SH3BP2: variants seen among roughly 807,000 people sequenced by gnomAD.
SH3BP2 encodes SH3 domain binding protein 2, also known as SH3 domain-binding protein 2.
Under a neutral mutation model 56.2 loss-of-function variants are expected in SH3BP2, and 38 were observed. That is an observed-to-expected ratio of 0.68 (90% confidence interval 0.52 to 0.89). SH3BP2 has a LOEUF of 0.89. Among genes scored for constraint, SH3BP2 ranks in the 40% least tolerant of loss-of-function variants. SH3BP2 has a pLI of 0.00. For missense variants in SH3BP2, 748 were observed against 762.6 expected, an observed-to-expected ratio of 0.98 and a Z score of 0.23; for synonymous variants, 346 against 316.7, an observed-to-expected ratio of 1.09 and a Z score of -0.98.
At position 2,830,055 on chromosome 4, in the gene SH3BP2, C is replaced by T. The variant is rs1470319035; in HGVS notation, c.1149C>T (p.Pro383=). ...GACTCTTTGTGCCCCCCGTGGCTCC[C>T]CGGCCTCCTGCGCTGAAGCTGCCAG... The part of the protein sequence containing the change: ...MPGLFVPPVA[P]RPPALKLPVP... Residue 383 remains proline, a synonymous_variant, in exon 8 of 13, where the codon CCC becomes CCT. Coordinates refer to ENST00000503393, the MANE Select transcript of SH3BP2 (RefSeq NM_001122681.2). 6.2e-7 allele frequency: 1 copy of T among 1,611,972 alleles called. No individual in the cohort carries two copies. The highest frequency in any genetic ancestry group is 1.3e-5 in the African/African-American group (1 of 74,948).
At chr4:2,823,278 G>A in intron 3 of SH3BP2, 1 of 581,556 alleles carries the variant, frequency 1.7e-6, no homozygotes. Context: ...TTGTGCACAA[G>A]TCCCAGAGGC....
intron 1 of SH3BP2, among the ~76,000 whole-genome samples, chr4:2,807,143 A>G (rs1488359625): frequency 6.6e-6 from 1 of 152,218 alleles, no homozygotes; most frequent in Admixed American, 6.5e-5. Context: ...TGCAGCGAGC[A>G]GCCTCACGTG....
intron 1 of SH3BP2, among the ~76,000 whole-genome samples, chr4:2,802,595 T>C (rs934534528): frequency 7.0e-6 from 1 of 142,766 alleles, no homozygotes; most frequent in Admixed American, 7.0e-5. Context: ...TATATGTTTG[T>C]ATATATGTGT....
At chr4:2,802,475 T>C (rs1315481215) in intron 1 of SH3BP2, among the ~76,000 whole-genome samples, 1 of 150,962 alleles carries the variant, frequency 6.6e-6, no homozygotes. Context: ...TATGTGTATG[T>C]GTATATATAT....
chr4:2,822,961 A>G lies in SH3BP2; in HGVS notation c.163A>G (p.Lys55Glu). 2 of 1,613,966 alleles carry G rather than the reference A, an allele frequency of 1.2e-6. No individual in the cohort carries two copies. Among genetic ancestry groups the G allele is most frequent in the African/African-American group, 2.7e-5 (2 of 75,014 alleles). ...KWPLRFVIIH[K>E]RCVYYFKSST... The stretch of plus-strand genomic sequence containing the variant: ...GCCCCTGCGCTTTGTCATCATCCAC[A>G]AACGCTGCGTCTACTACTTCAAGAG... Residue 55 changes from lysine (K) to glutamate (E), a missense_variant, in exon 3 of 13, where the codon AAA (lysine) becomes GAA (glutamate). Lys to Glu is a moderately conservative substitution (Grantham distance 56). Coordinates refer to ENST00000503393, the MANE Select transcript of SH3BP2 (RefSeq NM_001122681.2).
At chr4:2,802,524 ATATATG>A (rs1269265563) in intron 1 of SH3BP2, among the ~76,000 whole-genome samples, 20 of 88,754 alleles carry the variant, frequency 2.3e-4, no homozygotes, top group Admixed American at 2.6e-4. Context: ...ATGTGTATAT[ATATATG>A]TATGTGTGTG....
chr4:2,818,789 G>C (rs887747887), intron 1 of SH3BP2: 3 of 987,098 alleles, frequency 3.0e-6, no homozygotes, highest in Non-Finnish European at 3.6e-6. Context: ...GGCTGTCTTT[G>C]GGTGCAGAAG....
At chr4:2,830,934 G>C (rs1724950690) in intron 8 of SH3BP2, among the ~76,000 whole-genome samples, 1 of 152,246 alleles carries the variant, frequency 6.6e-6, no homozygotes, top group South Asian at 2.1e-4. Context: ...GTGTGGAAGT[G>C]CCTCTGAGCA....
rs559014627 is a variant in SH3BP2 at position 2,827,495 on chromosome 4, C to A, written c.518-111C>A. On this transcript the variant is annotated intron_variant, in intron 6 of 12. Coordinates refer to ENST00000503393, the MANE Select transcript of SH3BP2 (RefSeq NM_001122681.2). ...CGGCAGGGTCTGGACTCACAGTCCT[C>A]CCAGCAGGTGCTTGCCCCTTGCCTC... 3.2e-6 allele frequency: 4 copies of A among 1,252,866 alleles called. No homozygotes were observed. The South Asian group carries it at 5.1e-5, about 16-fold the overall frequency. 77.6% of individuals were successfully genotyped at this position (1,252,866 alleles called of 1,614,324 possible).
At chr4:2,812,748 G>A (rs1043357612) in intron 1 of SH3BP2, among the ~76,000 whole-genome samples, 2 of 146,028 alleles carry the variant, frequency 1.4e-5, no homozygotes, top group African/African-American at 4.9e-5. Context: ...CATCACATGC[G>A]GCCGACAGGG....
chr4:2,805,842 G>A (rs75766100), intron 1 of SH3BP2, among the ~76,000 whole-genome samples: 8,504 of 152,226 alleles, frequency 0.056, 307 homozygotes, highest in South Asian at 0.11. Flanking sequence ...AGAGGGTGGC[G>A]TTCCAGGTGG....
rs907814739 is a variant in SH3BP2, at chr4:2,838,407, G to C, written c.*4573G>C. On this transcript the variant is annotated 3_prime_UTR_variant, in exon 13 of 13. Coordinates refer to ENST00000503393, the MANE Select transcript of SH3BP2 (RefSeq NM_001122681.2). ...AATCATACAGATGCAAATTCTGGCA[G>C]CTGGCTTCTTTGGCTCGTTATTATG... is the stretch of plus-strand genomic sequence containing the variant. 5.9e-5 allele frequency: 9 copies of C among 152,228 alleles called. No homozygotes were observed. Among genetic ancestry groups the C allele is most frequent in the Admixed American group, 2.6e-4 (4 of 15,282 alleles). The allele number at this position is 152,228 out of a possible 1,614,324, so 9.4% of individuals were successfully genotyped here.
intron 2 of SH3BP2, 31 bp from the exon 3 acceptor site, chr4:2,822,904 C>A: frequency 6.3e-7 from 1 of 1,578,096 alleles, no homozygotes; most frequent in Non-Finnish European, 8.7e-7. Context: ...CCCCTCCAGG[C>A]TCACCTTCCT....
In SH3BP2 at chr4:2,829,471, C is replaced by T. The variant is rs1020774574; in HGVS notation, c.587-22C>T. The T allele has an allele frequency of 6.2e-7, 1 of 1,613,250 alleles. No individual in the cohort carries two copies. The highest frequency in any genetic ancestry group is 1.1e-5 in the South Asian group (1 of 91,080). Reference sequence around the variant, plus strand: ...TGGCCCAGTCTCTGTCAGGGTCCAACCCGGGTCTCTTTGCTCTGCAGATGC... The same window carrying T: ...TGGCCCAGTCTCTGTCAGGGTCCAATCCGGGTCTCTTTGCTCTGCAGATGC... On this transcript the variant is annotated intron_variant, in intron 7 of 12. Transcript: ENST00000503393. The surrounding 1 kb of genome is among the most constrained non-coding windows in gnomAD (Gnocchi z 4.9).
chr4:2,827,057 ATGTG>A (rs563980546), intron 5 of SH3BP2, 169 bp from the exon 6 acceptor site: 34 of 699,488 alleles, frequency 4.9e-5, no homozygotes, highest in Admixed American at 1.8e-4. Context: ...CCGTGTGTGC[ATGTG>A]TGTGTCTGTC....
In SH3BP2 at chr4:2,833,742, G is replaced by C; in HGVS notation, c.1594G>C (p.Gly532Arg). The change falls in exon 13 of 13, where the codon GGC becomes CGC. Residue 532 changes from glycine (G) to arginine (R), a missense_variant. Transcript: ENST00000503393. Reference protein sequence around the residue: ...LEGEVLFVSVGSMVEHYHTHV... With the variant: ...LEGEVLFVSVRSMVEHYHTHV... ...GGGCGAGGTCCTGTTTGTGAGTGTGGGCAGCATGGTGGAGCACTACCACAC... is the reference window on the plus strand; with the variant it reads ...GGGCGAGGTCCTGTTTGTGAGTGTGCGCAGCATGGTGGAGCACTACCACAC... The C allele has an allele frequency of 6.2e-7, 1 of 1,608,448 alleles. No individual in the cohort carries two copies. The highest frequency in any genetic ancestry group is 8.5e-7 in the Non-Finnish European group (1 of 1,177,570).
At chr4:2,803,818 G>A (rs1723421755) in intron 1 of SH3BP2, among the ~76,000 whole-genome samples, 1 of 152,188 alleles carries the variant, frequency 6.6e-6, no homozygotes, top group Non-Finnish European at 1.5e-5. Flanking sequence ...CAGGACGCTG[G>A]CGGATGTGTC....
In SH3BP2 at chr4:2,838,162, A is replaced by T. The variant is rs1279368214; in HGVS notation, c.*4328A>T. On this transcript the variant is annotated 3_prime_UTR_variant, in exon 13 of 13. Transcript: ENST00000503393. ...CAACATACAGAAAAGTGAATAAAAC[A>T]TAAATGCACAACCTAACACACTGTT... is the stretch of plus-strand genomic sequence containing the variant. 6.6e-6 allele frequency: 1 copy of T among 152,188 alleles called. No individual in the cohort carries two copies. The highest frequency in any genetic ancestry group is 2.4e-5 in the African/African-American group (1 of 41,444). 9.4% of individuals were successfully genotyped at this position (152,188 alleles called of 1,614,324 possible).
At chr4:2,809,334 C>G (rs1723652782) in intron 1 of SH3BP2, among the ~76,000 whole-genome samples, 2 of 140,976 alleles carry the variant, frequency 1.4e-5, no homozygotes, top group Admixed American at 1.4e-4. Context: ...GGGCTCATTA[C>G]CCACCTTCCC....
Sources: allele counts gnomAD v4.1 joint callset (sites outside exome capture counted in the v4.1 genomes callset), GRCh38; gene constraint gnomAD v4.1.1; non-coding constraint Gnocchi (gnomAD v3.1); transcripts MANE v1.5; gene names NCBI Gene and HGNC (gene_info 2026-07-23, HGNC 2026-07-21).